Variants in NHSL1 observed in about 807,000 individuals in gnomAD.
NHSL1 encodes the protein NHS-like protein 1.
In NHSL1, 48 loss-of-function variants were observed where a neutral mutation model predicts 95.0. The observed-to-expected ratio is 0.51, with a 90% CI of 0.40 to 0.64. The LOEUF is 0.64. Among genes scored for constraint, NHSL1 ranks in the 30% least tolerant of loss-of-function variants. The pLI is 0.00. For missense variants in NHSL1, 1,971 were observed against 2,077.7 expected, an observed-to-expected ratio of 0.95 and a Z score of 1.00; for synonymous variants, 783 against 833.9, an observed-to-expected ratio of 0.94 and a Z score of 1.05.
At chr6:138,484,240 C>A (rs1234799176) in intron 2 of NHSL1, among the ~76,000 whole-genome samples, 1 of 152,076 alleles carries the variant, frequency 6.6e-6, no homozygotes, top group Non-Finnish European at 1.5e-5. Flanking sequence ...AGGAAAGCTG[C>A]ATTTTCAGAA....
chr6:138,544,590 G>C (rs2128326847), intron 1 of NHSL1, among the ~76,000 whole-genome samples: 1 of 152,310 alleles, frequency 6.6e-6, no homozygotes, highest in African/African-American at 2.4e-5. Flanking sequence ...CTCATGAACA[G>C]ACTTTGAGGA....
intron 1 of NHSL1, among the ~76,000 whole-genome samples, chr6:138,621,652 T>C (rs1178059819): frequency 6.6e-6 from 1 of 152,090 alleles, no homozygotes. Context: ...TTTGAATTAG[T>C]AGAGATGGGG....
chr6:138,638,100 A>G (rs1450715757), intron 1 of NHSL1, among the ~76,000 whole-genome samples: 1 of 152,140 alleles, frequency 6.6e-6, no homozygotes, highest in African/African-American at 2.4e-5. Flanking sequence ...AAGTGAAATA[A>G]GCCAGGCACA....
At chr6:138,568,169 A>C (rs1783691108) in intron 1 of NHSL1, among the ~76,000 whole-genome samples, 1 of 152,248 alleles carries the variant, frequency 6.6e-6, no homozygotes. Flanking sequence ...GCAAAACATG[A>C]AAATGTTCCA....
chr6:138,625,253 G>A (rs548995814), intron 1 of NHSL1, among the ~76,000 whole-genome samples: 13 of 151,956 alleles, frequency 8.6e-5, no homozygotes, highest in Admixed American at 2.0e-4. Context: ...AGCGGTTCTC[G>A]TGCCTCAGCC....
At chr6:138,607,717 C>T (rs1784453706) in intron 1 of NHSL1, among the ~76,000 whole-genome samples, 1 of 152,182 alleles carries the variant, frequency 6.6e-6, no homozygotes, top group Non-Finnish European at 1.5e-5. Flanking sequence ...GGTTTCTTGT[C>T]AGCTTCCTTC....
At chr6:138,564,663 A>T (rs77657056) in intron 1 of NHSL1, among the ~76,000 whole-genome samples, 4 of 151,990 alleles carry the variant, frequency 2.6e-5, no homozygotes, top group Non-Finnish European at 4.4e-5. Flanking sequence ...AAAAAAAAAA[A>T]AATAAGATTG....
At chr6:138,507,635 C>G (rs889982046) in intron 1 of NHSL1, among the ~76,000 whole-genome samples, 10 of 152,014 alleles carry the variant, frequency 6.6e-5, no homozygotes, top group African/African-American at 2.4e-4. Flanking sequence ...AGATACTGTC[C>G]ACAGAATGAA....
At chr6:138,586,185 T>C (rs1456961679) in intron 1 of NHSL1, among the ~76,000 whole-genome samples, 1 of 151,674 alleles carries the variant, frequency 6.6e-6, no homozygotes, top group African/African-American at 2.4e-5. Context: ...ACCTCCACTA[T>C]CCAGGTTCAA....
intron 1 of NHSL1, among the ~76,000 whole-genome samples, chr6:138,585,550 A>T (rs992095324): frequency 2.0e-5 from 3 of 152,182 alleles, no homozygotes; most frequent in Non-Finnish European, 4.4e-5. Flanking sequence ...GAAAAATTTT[A>T]AAAAATTGAA....
At chr6:138,669,793 T>C (rs1785340491) in intron 1 of NHSL1, among the ~76,000 whole-genome samples, 1 of 152,158 alleles carries the variant, frequency 6.6e-6, no homozygotes, top group East Asian at 1.9e-4. Context: ...GGGTCTTCTT[T>C]GGAGAAACTG....
At chr6:138,456,718 C>T (rs369942501) in intron 3 of NHSL1, among the ~76,000 whole-genome samples, 158 of 152,238 alleles carry the variant, frequency 1.0e-3, no homozygotes, top group African/African-American at 3.7e-3. Context: ...TAAGTATTTT[C>T]GCACTGATAA....
At chr6:138,687,521 C>A (rs1785601854) in intron 1 of NHSL1, among the ~76,000 whole-genome samples, 1 of 152,156 alleles carries the variant, frequency 6.6e-6, no homozygotes, top group Non-Finnish European at 1.5e-5. Flanking sequence ...TATGCAAAGA[C>A]TGTATTTGCA....
chr6:138,587,004 G>A (rs9484180), intron 1 of NHSL1, among the ~76,000 whole-genome samples: 2,662 of 151,892 alleles, frequency 0.018, 79 homozygotes, highest in African/African-American at 0.061. Context: ...ATGGAGTCTC[G>A]CTCTGTCATC....
chr6:138,586,918 G>C (rs1784143537), intron 1 of NHSL1, among the ~76,000 whole-genome samples: 1 of 151,650 alleles, frequency 6.6e-6, no homozygotes, highest in Non-Finnish European at 1.5e-5. Flanking sequence ...CTTTCATAAA[G>C]GTTCTTATTC....
intron 1 of NHSL1, among the ~76,000 whole-genome samples, chr6:138,601,573 G>A (rs983678838): frequency 1.3e-5 from 2 of 152,104 alleles, no homozygotes; most frequent in African/African-American, 4.8e-5. Context: ...CAGCACTCTC[G>A]GAGGCCGAGG....
intron 1 of NHSL1, among the ~76,000 whole-genome samples, chr6:138,662,974 A>G (rs9495191): frequency 0.012 from 1,773 of 151,390 alleles, 39 homozygotes; most frequent in African/African-American, 0.041. Flanking sequence ...CCTGTGACCC[A>G]GGAACTCTAC....
intron 1 of NHSL1, among the ~76,000 whole-genome samples, chr6:138,615,526 A>G (rs924270121): frequency 1.3e-5 from 2 of 152,210 alleles, no homozygotes; most frequent in Non-Finnish European, 2.9e-5. Context: ...GGTGGAGTGC[A>G]GTGGCACAAC....
At chr6:138,552,107 C>A (rs1415946004) in intron 1 of NHSL1, among the ~76,000 whole-genome samples, 5 of 152,174 alleles carry the variant, frequency 3.3e-5, no homozygotes, top group Non-Finnish European at 2.9e-5. Flanking sequence ...GAGCTCTGCT[C>A]TAATTCGCCA....
Sources: gnomAD v4.1 joint callset for allele counts (sites outside exome capture counted in the v4.1 genomes callset) on GRCh38, gnomAD v4.1.1 for gene constraint, MANE v1.5 for transcripts, NCBI Gene and HGNC (gene_info 2026-07-23, HGNC 2026-07-21) for gene names.